GABRB2: variants seen among roughly 807,000 people sequenced by gnomAD.
The protein encoded by GABRB2 is gamma-aminobutyric acid receptor subunit beta-2.
A neutral mutation model predicts 54.7 loss-of-function variants in GABRB2; 16 were observed. The ratio of observed to expected loss-of-function variants is 0.29; its 90% CI spans 0.20 to 0.44. The LOEUF (loss-of-function observed/expected upper bound fraction) is 0.44. Among genes scored for constraint, GABRB2 ranks in the 20% least tolerant of loss-of-function variants. The probability of loss-of-function intolerance (pLI) is 1.00; values close to 1 mark genes in which losing one functional copy is unlikely to be tolerated. For missense variants in GABRB2, 355 were observed against 644.0 expected, an observed-to-expected ratio of 0.55 and a Z score of 4.86; for synonymous variants, 244 against 233.8, an observed-to-expected ratio of 1.04 and a Z score of -0.40.
intron 4 of GABRB2, among the ~76,000 whole-genome samples, chr5:161,442,910 G>A (rs1478253113): frequency 6.6e-6 from 1 of 152,098 alleles, no homozygotes; most frequent in Non-Finnish European, 1.5e-5. Flanking sequence ...CCACAGAGCA[G>A]TGGGAAAAAT....
At chr5:161,336,181 C>T (rs377450573) in intron 6 of GABRB2, among the ~76,000 whole-genome samples, 7 of 152,120 alleles carry the variant, frequency 4.6e-5, no homozygotes, top group African/African-American at 1.7e-4. Context: ...TAAAGAAATT[C>T]TTATCCTTTG....
Position 161,331,083 on chromosome 5 carries a change from G to T in GABRB2, c.877C>A (p.Arg293=). ...TAGGGGATTTTAGGGAGAGTTTCCC[G>T]GAGGTGGGTGTTGATTGTGGTCATT... ...LTMTTINTHL[R]ETLPKIPYVK... is the part of the protein sequence containing the mutation. The change falls in exon 8 of 10, where the codon CGG becomes AGG. Residue 293 remains arginine (R), a synonymous_variant. Transcript: ENST00000393959. The T allele has an allele frequency of 6.2e-7, 1 of 1,604,886 alleles. No homozygotes were observed. The highest frequency in any genetic ancestry group is 8.5e-7 in the Non-Finnish European group (1 of 1,173,730).
intron 3 of GABRB2, among the ~76,000 whole-genome samples, chr5:161,500,740 T>C (rs1759407008): frequency 6.6e-6 from 1 of 152,228 alleles, no homozygotes; most frequent in Non-Finnish European, 1.5e-5. Flanking sequence ...TTTATGCCAC[T>C]GAAAGATGTT....
intron 5 of GABRB2, among the ~76,000 whole-genome samples, chr5:161,373,863 G>A (rs1333386945): frequency 2.0e-5 from 3 of 151,982 alleles, no homozygotes; most frequent in Non-Finnish European, 4.4e-5. Context: ...ACTCCCTTGA[G>A]TTCCTTCTTT....
At chr5:161,488,290 G>A (rs1171398505) in intron 3 of GABRB2, among the ~76,000 whole-genome samples, 1 of 150,836 alleles carries the variant, frequency 6.6e-6, no homozygotes, top group African/African-American at 2.4e-5. Flanking sequence ...ACTTCAAGAG[G>A]CCCTACCAGT....
intron 3 of GABRB2, among the ~76,000 whole-genome samples, chr5:161,467,522 C>A (rs1758314565): frequency 6.6e-6 from 1 of 152,030 alleles, no homozygotes; most frequent in Non-Finnish European, 1.5e-5. Context: ...TAAAACTCCA[C>A]AATTGTTCAG....
intron 5 of GABRB2, among the ~76,000 whole-genome samples, chr5:161,364,251 T>C (rs1253573813): frequency 6.6e-6 from 1 of 152,180 alleles, no homozygotes; most frequent in African/African-American, 2.4e-5. Context: ...TAACCATAAT[T>C]ATATTTGGTA....
At chr5:161,417,376 G>A (rs760226168) in intron 4 of GABRB2, among the ~76,000 whole-genome samples, 18 of 152,146 alleles carry the variant, frequency 1.2e-4, no homozygotes, top group Non-Finnish European at 1.6e-4. Flanking sequence ...TTTTATACAT[G>A]AGAAAATTGA....
intron 5 of GABRB2, among the ~76,000 whole-genome samples, chr5:161,380,842 T>G (rs1755444024): frequency 6.9e-6 from 1 of 144,640 alleles, no homozygotes; most frequent in African/African-American, 2.5e-5. Flanking sequence ...TTGAGGTCAG[T>G]TTTTCTCAAG....
chr5:161,308,445 A>G (rs1467818450), intron 9 of GABRB2, among the ~76,000 whole-genome samples: 1 of 152,202 alleles, frequency 6.6e-6, no homozygotes, highest in African/African-American at 2.4e-5. Flanking sequence ...CAACTTACAG[A>G]TTCAATACTA....
intron 9 of GABRB2, among the ~76,000 whole-genome samples, chr5:161,314,881 T>A (rs999416031): frequency 6.6e-6 from 1 of 152,156 alleles, no homozygotes; most frequent in Non-Finnish European, 1.5e-5. Flanking sequence ...CGAAATAAAT[T>A]AAATGTTAAT....
At chr5:161,311,687 T>A (rs184961542) in intron 9 of GABRB2, among the ~76,000 whole-genome samples, 1 of 152,330 alleles carries the variant, frequency 6.6e-6, no homozygotes, top group Admixed American at 6.5e-5. Context: ...AGGATGGATC[T>A]TTGCTATTTA....
chr5:161,437,363 G>A (rs930402696), intron 4 of GABRB2, among the ~76,000 whole-genome samples: 5 of 152,172 alleles, frequency 3.3e-5, no homozygotes, highest in African/African-American at 1.2e-4. Context: ...TCAAGCACTA[G>A]TTCCCAGACA....
At chr5:161,343,727 G>C (rs189230552) in intron 5 of GABRB2, among the ~76,000 whole-genome samples, 142 of 152,186 alleles carry the variant, frequency 9.3e-4, no homozygotes, top group African/African-American at 3.3e-3. Context: ...CTATGTACCA[G>C]GCACTGCCTT....
At chr5:161,449,670 G>A (rs1757733832) in intron 4 of GABRB2, among the ~76,000 whole-genome samples, 1 of 151,958 alleles carries the variant, frequency 6.6e-6, no homozygotes, top group Non-Finnish European at 1.5e-5. Context: ...TAAGACAAAT[G>A]AAAAAACCGT....
intron 3 of GABRB2, among the ~76,000 whole-genome samples, chr5:161,474,079 G>A (rs1421716585): frequency 6.6e-6 from 1 of 151,992 alleles, no homozygotes; most frequent in African/African-American, 2.4e-5. Context: ...CCCAAGCCCA[G>A]GAAACAGCCA....
intron 5 of GABRB2, among the ~76,000 whole-genome samples, chr5:161,343,342 G>T (rs532596176): frequency 6.6e-4 from 100 of 152,034 alleles, no homozygotes; most frequent in African/African-American, 2.3e-3. Context: ...TCATGGTCCA[G>T]CATTCATCCT....
At position 161,496,982 on chromosome 5, in the gene GABRB2, C is replaced by T. The variant is rs1759269371; in HGVS notation, c.238-37138G>A. ...CCATCAAACTCATGATCCTCAGATGCCTTTGGGTATTTTTCCATTCACAAA... is the reference window on the plus strand; with the variant it reads ...CCATCAAACTCATGATCCTCAGATGTCTTTGGGTATTTTTCCATTCACAAA... On this transcript the variant is annotated intron_variant, in intron 3 of 9. Coordinates refer to ENST00000393959, the MANE Select transcript of GABRB2 (RefSeq NM_001371727.1). Among the ~76,000 whole-genome samples the T allele has an allele frequency of 1.3e-5, 2 of 152,168 alleles. 1 individual carries two copies. The highest frequency in any genetic ancestry group is 4.1e-4 in the South Asian group (2 of 4,828).
intron 3 of GABRB2, among the ~76,000 whole-genome samples, chr5:161,515,157 CG>C (rs1394667384): frequency 1.3e-5 from 2 of 151,998 alleles, no homozygotes; most frequent in African/African-American, 4.8e-5. Flanking sequence ...ATCTCTTCTT[CG>C]GGTGACATTA....
Sources: allele counts gnomAD v4.1 joint callset (sites outside exome capture counted in the v4.1 genomes callset), GRCh38; gene constraint gnomAD v4.1.1; transcripts MANE v1.5; gene names NCBI Gene and HGNC (gene_info 2026-07-23, HGNC 2026-07-21).